The following SEMA4G variants were observed in gnomAD, a reference collection of about 807,000 sequenced individuals.
SEMA4G encodes semaphorin-4G.
A neutral mutation model predicts 81.2 loss-of-function variants in SEMA4G; 59 were observed. The observed-to-expected ratio is 0.73, with a 90% CI of 0.59 to 0.90. SEMA4G has a LOEUF of 0.90. SEMA4G is among the 40% of genes least tolerant of loss of function. The pLI is 0.00. For synonymous variants in SEMA4G, 404 were observed against 433.9 expected (o/e 0.93, Z 0.86); for missense variants, 952 against 1,102.3 (o/e 0.86, Z 1.93).
exon 14 of SEMA4G, chr10:100,984,670 T>G: frequency 6.5e-7 from 1 of 1,536,266 alleles, no homozygotes; most frequent in Non-Finnish European, 8.7e-7. Context: ...CACCTTCTCC[T>G]GGTGCATTCT....
At chr10:100,980,538 C>A (rs1851013156) in intron 10 of SEMA4G, 40 bp from the exon 12 acceptor site, 2 of 1,555,426 alleles carry the variant, frequency 1.3e-6, no homozygotes, top group African/African-American at 1.4e-5. Context: ...GAGAGCAGAT[C>A]CCATAGTTGG....
At chr10:100,974,109 T>C (rs1850713105) in intron 3 of SEMA4G, among the ~76,000 whole-genome samples, 1 of 152,150 alleles carries the variant, frequency 6.6e-6, no homozygotes, top group Admixed American at 6.5e-5. Flanking sequence ...AACCATCTGG[T>C]GGCCTACTAG....
chr10:100,978,903 GTGA>G, exon 7 of SEMA4G: 1 of 1,614,236 alleles, frequency 6.2e-7, no homozygotes, highest in Non-Finnish European at 8.5e-7. Context: ...AGTGCAGTGG[GTGA>G]TGATGACAAG....
exon 13 of SEMA4G, chr10:100,981,188 T>C (rs1851053214): frequency 1.9e-6 from 3 of 1,614,186 alleles, no homozygotes; most frequent in South Asian, 1.1e-5. Flanking sequence ...ATACAGGACA[T>C]AGAGAGAGGA....
chr10:100,978,399 C>T lies in SEMA4G; in HGVS notation c.529+11C>T, dbSNP rs200494449. The T allele has an allele frequency of 5.0e-6, 8 of 1,611,746 alleles. No homozygotes were observed. In the East Asian group the frequency reaches 1.8e-4, roughly 36 times the overall value. On this transcript the variant is annotated intron_variant, in intron 5 of 13. Coordinates refer to ENST00000370250, the Ensembl canonical transcript of SEMA4G. ...CAGGCCTCATCATTGGTGAGCAGGC[C>T]TTCTTCCCTATCACAGACATGGTAT...
intron 11 of SEMA4G, 35 bp from the exon 13 acceptor site, chr10:100,980,787 G>C: frequency 6.4e-7 from 1 of 1,561,270 alleles, no homozygotes; most frequent in Non-Finnish European, 8.6e-7. Flanking sequence ...TATGAGTGGG[G>C]ACGCTGCCGA....
chr10:100,980,994 G>A, intron 12 of SEMA4G: 2 of 1,596,338 alleles, frequency 1.3e-6, no homozygotes, highest in South Asian at 1.1e-5. Flanking sequence ...TCCCAGGGAA[G>A]CAGGTGGGAA....
upstream of SEMA4G, among the ~76,000 whole-genome samples, chr10:100,971,192 A>G (rs916012942): frequency 6.6e-6 from 1 of 152,166 alleles, no homozygotes; most frequent in African/African-American, 2.4e-5. Flanking sequence ...CTCTTAAACT[A>G]TAAGTGTGAC....
At chr10:100,984,450 T>C (rs1332383377) in exon 14 of SEMA4G, 6 of 1,513,788 alleles carry the variant, frequency 4.0e-6, no homozygotes, top group African/African-American at 1.4e-5. Context: ...TCCATCCTCC[T>C]GTTCCATTCA....
chr10:100,983,928 C>A (rs1476929728), exon 14 of SEMA4G: 1 of 1,600,260 alleles, frequency 6.2e-7, no homozygotes, highest in African/African-American at 1.3e-5. Context: ...ACCGCCCCCA[C>A]CGCCACCGGC....
exon 14 of SEMA4G, chr10:100,984,366 TC>T (rs1382183614): frequency 1.3e-5 from 19 of 1,444,592 alleles, no homozygotes; most frequent in Non-Finnish European, 1.7e-5. Context: ...AGGTAGGTGC[TC>T]CCTCAGGATC....
chr10:100,979,189 A>G (rs1850935891), exon 8 of SEMA4G: 1 of 1,614,058 alleles, frequency 6.2e-7, no homozygotes, highest in South Asian at 1.1e-5. Context: ...ACTGTATGAG[A>G]CACTGCGTGG....
At position 100,981,086 on chromosome 10, in the gene SEMA4G, T is replaced by C. The variant is rs373677227; in HGVS notation, c.1629-82T>C. The C allele has an allele frequency of 1.4e-5, 23 of 1,605,438 alleles. No homozygotes were observed. In the African/African-American group the frequency reaches 2.0e-4, roughly 14 times the overall value. On this transcript the variant is annotated intron_variant, in intron 12 of 13. Transcript: ENST00000370250. ...ACTGGGGGAGTGCAGGGGCTAGTTA[T>C]TAGTAACAGACCTATCTACCCTTTC...
chr10:100,982,020 T>C (rs1430224184), intron 13 of SEMA4G, among the ~76,000 whole-genome samples: 1 of 146,236 alleles, frequency 6.8e-6, no homozygotes, highest in Non-Finnish European at 1.5e-5. Context: ...ATCACACCAT[T>C]GCACTCCAGC....
Position 100,973,783 on chromosome 10 carries a change from T to C in SEMA4G, c.336+174T>C, listed in dbSNP as rs980219818. 6.6e-6 allele frequency among the ~76,000 whole-genome samples: 1 copy of C among 152,022 alleles called. No homozygotes were observed. The highest frequency in any genetic ancestry group is 1.5e-5 in the Non-Finnish European group (1 of 68,000). On this transcript the variant is annotated intron_variant, in intron 3 of 13. Coordinates refer to ENST00000370250, the Ensembl canonical transcript of SEMA4G. This position sits in a 1 kb window ranked among gnomAD's most constrained non-coding sequence, Gnocchi z 5.5. ...CAAGCCATGGGCACAGCATTTTTTT[T>C]TTTTTCTTTTTTTGAGGTCGGATCT... is the stretch of plus-strand genomic sequence containing the variant.
chr10:100,973,663 G>C lies in SEMA4G; in HGVS notation c.336+54G>C, dbSNP rs560521357. On this transcript the variant is annotated intron_variant, in intron 3 of 13. Transcript: ENST00000370250. The surrounding 1 kb of genome is among the most constrained non-coding windows in gnomAD (Gnocchi z 5.5). ...TTTCCTCCCCTTCTTCCTCAATCAG[G>C]GATGCCAGGATTGTTGGGGACACAG... 6.5e-7 allele frequency: 1 copy of C among 1,536,758 alleles called. No homozygotes were observed. The highest frequency in any genetic ancestry group is 1.1e-5 in the South Asian group (1 of 87,240).
chr10:100,978,982 C>T (rs919007889), exon 7 of SEMA4G: 1 of 1,614,096 alleles, frequency 6.2e-7, no homozygotes, highest in African/African-American at 1.3e-5. Context: ...AGAGCCGCAG[C>T]AGTCACCGTG....
chr10:100,983,271 G>A (rs749119871), intron 13 of SEMA4G, 34 bp from the exon 15 acceptor site: 37 of 1,476,092 alleles, frequency 2.5e-5, no homozygotes, highest in Non-Finnish European at 2.9e-5. Flanking sequence ...TTCCTGGGAC[G>A]GGCTGGTACT....
At chr10:100,979,319 G>A (rs1342816205) in intron 8 of SEMA4G, 48 bp downstream of exon 9, 5 of 1,614,008 alleles carry the variant, frequency 3.1e-6, no homozygotes, top group Non-Finnish European at 4.2e-6. Flanking sequence ...ACAGCATAGG[G>A]GCTGGAGCAG....
Sources: gnomAD v4.1 joint callset for allele counts (sites outside exome capture counted in the v4.1 genomes callset) on GRCh38, gnomAD v4.1.1 for gene constraint, Gnocchi (gnomAD v3.1) non-coding constraint, MANE v1.5 for transcripts, NCBI Gene and HGNC (gene_info 2026-07-23, HGNC 2026-07-21) for gene names.